ELMO1: variants seen among roughly 807,000 people sequenced by gnomAD.
ELMO1 encodes the protein engulfment and cell motility protein 1.
A neutral mutation model predicts 98.9 loss-of-function variants in ELMO1; 26 were observed. The observed-to-expected ratio is 0.26, with a 90% CI of 0.19 to 0.36. The LOEUF is 0.36. Among genes scored for constraint, ELMO1 ranks in the 10% least tolerant of loss-of-function variants. ELMO1 has a pLI of 1.00. For missense variants in ELMO1, 627 were observed against 935.2 expected (o/e 0.67, Z 4.30); for synonymous variants, 346 against 346.0 (o/e 1.00, Z 0.00).
chr7:36,995,496 G>C (rs1449008523), intron 16 of ELMO1, among the ~76,000 whole-genome samples: 1 of 149,832 alleles, frequency 6.7e-6, no homozygotes, highest in Non-Finnish European at 1.5e-5. Flanking sequence ...GACAGAGTGA[G>C]ACTCTGTCTC....
chr7:37,030,449 A>ATACTC (rs10689089), intron 15 of ELMO1, among the ~76,000 whole-genome samples: 1 of 151,652 alleles, frequency 6.6e-6, no homozygotes, highest in African/African-American at 2.4e-5. Flanking sequence ...TTACTATTCT[A>ATACTC]CAACACATAG....
intron 1 of ELMO1, among the ~76,000 whole-genome samples, chr7:37,432,400 G>A (rs569690870): frequency 6.6e-6 from 1 of 152,184 alleles, no homozygotes; most frequent in Non-Finnish European, 1.5e-5. Context: ...TGGTTCCAAA[G>A]GCCTGAATAT....
intron 16 of ELMO1, 97 bp from the exon 17 acceptor site, chr7:36,895,114 C>G: frequency 7.1e-7 from 1 of 1,408,550 alleles, no homozygotes; most frequent in Non-Finnish European, 9.7e-7. Context: ...CCCTGGTGCC[C>G]TCTGCACGCA....
At chr7:37,225,875 C>A (rs920829719) in intron 8 of ELMO1, among the ~76,000 whole-genome samples, 2 of 152,152 alleles carry the variant, frequency 1.3e-5, no homozygotes, top group African/African-American at 2.4e-5. Flanking sequence ...TGACAGCTCA[C>A]AATAAAAAGC....
At chr7:37,245,714 C>T (rs943381786) in intron 6 of ELMO1, among the ~76,000 whole-genome samples, 3 of 152,034 alleles carry the variant, frequency 2.0e-5, no homozygotes, top group African/African-American at 7.2e-5. Flanking sequence ...AACCAGGGCT[C>T]CTTGGGGAAG....
chr7:37,013,711 G>C (rs2129173218), intron 15 of ELMO1: 1 of 354,352 alleles, frequency 2.8e-6, no homozygotes, highest in Non-Finnish European at 5.3e-6. Flanking sequence ...TCTTGGCTTT[G>C]TTCCAAAACT....
chr7:37,314,773 G>A, intron 4 of ELMO1, 77 bp downstream of exon 4: 2 of 1,395,082 alleles, frequency 1.4e-6, no homozygotes, highest in Non-Finnish European at 2.0e-6. Context: ...GCATGTCTAG[G>A]CCCGAACAAA....
At chr7:36,981,597 A>T (rs1791055719) in intron 16 of ELMO1, among the ~76,000 whole-genome samples, 1 of 152,168 alleles carries the variant, frequency 6.6e-6, no homozygotes, top group Admixed American at 6.5e-5. Flanking sequence ...TGGTTTGTTT[A>T]TAATTAAAAT....
At chr7:36,900,060 G>C (rs1295326740) in intron 16 of ELMO1, among the ~76,000 whole-genome samples, 1 of 152,124 alleles carries the variant, frequency 6.6e-6, no homozygotes, top group Non-Finnish European at 1.5e-5. Context: ...CACTTGGTAG[G>C]AATGCAACTT....
intron 6 of ELMO1, among the ~76,000 whole-genome samples, chr7:37,256,234 C>A (rs948097768): frequency 3.3e-5 from 5 of 152,130 alleles, no homozygotes. Flanking sequence ...TATGCCCAAA[C>A]TTTCATAAGC....
chr7:37,157,054 C>T (rs1464651065), intron 13 of ELMO1, among the ~76,000 whole-genome samples: 2 of 152,138 alleles, frequency 1.3e-5, no homozygotes, highest in Non-Finnish European at 2.9e-5. Context: ...TAAACAGAAC[C>T]AATGACAAAA....
At chr7:37,149,312 G>A (rs1391122006) in intron 13 of ELMO1, among the ~76,000 whole-genome samples, 6 of 152,158 alleles carry the variant, frequency 3.9e-5, no homozygotes, top group Admixed American at 2.6e-4. Flanking sequence ...AGATGGTGAC[G>A]ATGGTGATAA....
intron 16 of ELMO1, among the ~76,000 whole-genome samples, chr7:36,907,881 C>A (rs1009192633): frequency 1.3e-5 from 2 of 152,236 alleles, no homozygotes; most frequent in African/African-American, 4.8e-5. Flanking sequence ...ATTTGGCATT[C>A]ACAATGGCAC....
intron 1 of ELMO1, among the ~76,000 whole-genome samples, chr7:37,370,734 G>C (rs1337463457): frequency 6.6e-6 from 1 of 152,090 alleles, no homozygotes; most frequent in Non-Finnish European, 1.5e-5. Context: ...CACCCAAAAG[G>C]CTAGAAAATG....
At chr7:37,394,948 G>C (rs910975745) in intron 1 of ELMO1, among the ~76,000 whole-genome samples, 1 of 152,194 alleles carries the variant, frequency 6.6e-6, no homozygotes, top group African/African-American at 2.4e-5. Context: ...TGAATATCAT[G>C]GAAGGCTGAG....
chr7:37,084,683 ACTCTGGGAATT>A (rs1313183987), intron 15 of ELMO1, among the ~76,000 whole-genome samples: 1 of 151,844 alleles, frequency 6.6e-6, no homozygotes, highest in Non-Finnish European at 1.5e-5. Context: ...CTTATTATTG[ACTCTGGGAATT>A]CTCTGTTACA....
intron 4 of ELMO1, among the ~76,000 whole-genome samples, chr7:37,287,466 A>T (rs753334629): frequency 4.6e-5 from 7 of 152,212 alleles, no homozygotes; most frequent in Non-Finnish European, 8.8e-5. Flanking sequence ...GTAAGGTCTA[A>T]TAACTACCAT....
intron 1 of ELMO1, among the ~76,000 whole-genome samples, chr7:37,423,154 G>T (rs1804552695): frequency 6.6e-6 from 1 of 152,178 alleles, no homozygotes; most frequent in South Asian, 2.1e-4. Context: ...GGAAAAACAT[G>T]GCACAATTTC....
chr7:37,420,736 T>C (rs1804439230), intron 1 of ELMO1, among the ~76,000 whole-genome samples: 2 of 152,216 alleles, frequency 1.3e-5, no homozygotes, highest in South Asian at 4.1e-4. Context: ...GATCAAATAC[T>C]TCACTCTTAT....
Sources: gnomAD v4.1 joint callset for allele counts (sites outside exome capture counted in the v4.1 genomes callset) on GRCh38, gnomAD v4.1.1 for gene constraint, MANE v1.5 for transcripts, NCBI Gene and HGNC (gene_info 2026-07-23, HGNC 2026-07-21) for gene names.